The following HERC1 variants were observed in gnomAD, a reference collection of about 807,000 sequenced individuals.
HERC1 encodes the protein HECT and RLD domain containing E3 ubiquitin protein ligase family member 1.
A neutral mutation model predicts 554.3 loss-of-function variants in HERC1; 160 were observed. That is an observed-to-expected ratio of 0.29 (90% CI 0.25 to 0.33). The LOEUF (loss-of-function observed/expected upper bound fraction) is 0.33. HERC1 is among the 10% of genes least tolerant of loss of function. The pLI is 1.00. For synonymous variants in HERC1, 2,175 were observed against 2,131.7 expected, an observed-to-expected ratio of 1.02 and a Z score of -0.56; for missense variants, 4,919 against 5,918.5, an observed-to-expected ratio of 0.83 and a Z score of 5.54.
At chr15:63,789,215 C>A (rs1596259734) in intron 1 of HERC1, among the ~76,000 whole-genome samples, 2 of 142,856 alleles carry the variant, frequency 1.4e-5, no homozygotes, top group Admixed American at 1.4e-4. Flanking sequence ...CTCAGCCTCC[C>A]AAGTAGCTGG....
chr15:63,767,059 T>G (rs1310045354), intron 2 of HERC1, among the ~76,000 whole-genome samples: 2 of 151,546 alleles, frequency 1.3e-5, no homozygotes, highest in Non-Finnish European at 2.9e-5. Context: ...TGGAGTGCAG[T>G]AGCGCAGTCT....
intron 12 of HERC1, among the ~76,000 whole-genome samples, chr15:63,740,967 A>G (rs1478968262): frequency 6.6e-6 from 1 of 151,664 alleles, no homozygotes; most frequent in Non-Finnish European, 1.5e-5. Flanking sequence ...TGTGCTTTTG[A>G]TGTCATAGCT....
chr15:63,663,132 G>A lies in HERC1; in HGVS notation c.8753C>T (p.Pro2918Leu). 6.2e-7 allele frequency: 1 copy of A among 1,613,934 alleles called. No individual in the cohort carries two copies. The highest frequency in any genetic ancestry group is 8.5e-7 in the Non-Finnish European group (1 of 1,179,868). ...TAAATTAAAGTCATACAACGCCCCT[G>A]GGTCTTGCTGCAAAGATATTCCTTC... ...RREGISLQQD[P>L]GALYDFNLDE... Residue 2918 changes from proline to leucine, a missense_variant, in exon 44 of 78, where the codon CCA becomes CTA. Around this residue, in one of 11 missense-constraint regions of HERC1, gnomAD observed 1,963 missense variants for 2,228.6 expected, o/e 0.88. Coordinates refer to ENST00000443617, the MANE Select transcript of HERC1 (RefSeq NM_003922.4).
intron 12 of HERC1, among the ~76,000 whole-genome samples, chr15:63,737,636 T>A (rs2074606538): frequency 6.7e-6 from 1 of 148,838 alleles, no homozygotes; most frequent in Non-Finnish European, 1.5e-5. Flanking sequence ...CGCCTCGGCC[T>A]CCAAAAGTGC....
At chr15:63,658,439 T>A in intron 48 of HERC1, 105 bp downstream of exon 48, 2 of 936,760 alleles carry the variant, frequency 2.1e-6, no homozygotes, top group Non-Finnish European at 3.1e-6. Flanking sequence ...ACAGTACATA[T>A]TCAAGCTTCT....
intron 61 of HERC1, among the ~76,000 whole-genome samples, chr15:63,639,376 A>AG (rs1383555345): frequency 2.0e-5 from 3 of 152,224 alleles, no homozygotes; most frequent in African/African-American, 7.2e-5. Context: ...TTTGTAGCCT[A>AG]GGAGTAATCA....
At chr15:63,671,996 T>A (rs1261881026) in intron 39 of HERC1, among the ~76,000 whole-genome samples, 1 of 152,156 alleles carries the variant, frequency 6.6e-6, no homozygotes, top group African/African-American at 2.4e-5. Flanking sequence ...TACAAACCTA[T>A]TAAAATAGAG....
intron 74 of HERC1, among the ~76,000 whole-genome samples, chr15:63,622,586 G>A (rs898808756): frequency 2.0e-5 from 3 of 152,138 alleles, no homozygotes; most frequent in African/African-American, 7.2e-5. Flanking sequence ...ACCCGCCTCA[G>A]CCTCCCAAAG....
chr15:63,714,512 C>T (rs545535721), intron 22 of HERC1, among the ~76,000 whole-genome samples: 3 of 147,072 alleles, frequency 2.0e-5, no homozygotes, highest in South Asian at 2.2e-4. Context: ...AAATTTGGAG[C>T]GAAGACAGTA....
intron 77 of HERC1, among the ~76,000 whole-genome samples, chr15:63,610,055 AC>A (rs1307540905): frequency 6.6e-6 from 1 of 152,108 alleles, no homozygotes; most frequent in African/African-American, 2.4e-5. Flanking sequence ...CTCCTTGCAA[AC>A]ATAACTATTT....
At chr15:63,621,394 T>C (rs2068071010) in intron 74 of HERC1, among the ~76,000 whole-genome samples, 1 of 152,242 alleles carries the variant, frequency 6.6e-6, no homozygotes, top group Non-Finnish European at 1.5e-5. Context: ...CCTTTGTGGG[T>C]AACCCGACCT....
intron 68 of HERC1, among the ~76,000 whole-genome samples, chr15:63,631,102 C>CT (rs1239061665): frequency 6.6e-6 from 1 of 152,196 alleles, no homozygotes; most frequent in Non-Finnish European, 1.5e-5. Context: ...CCTCAGCCTC[C>CT]TGAGTAGCTT....
In HERC1 at chr15:63,712,864, C is replaced by T. The variant is rs748038098; in HGVS notation, c.4495G>A (p.Val1499Ile). ...SESLTAESRLVHTSPNYRLIK... is the reference protein window; with the variant it reads ...SESLTAESRLIHTSPNYRLIK... ...AGTCTATAATTTGGGCTTGTGTGGA[C>T]TAGCCGGCTCTCTGCAGTAAGACTT... The change falls in exon 24 of 78, where the codon GTC becomes ATC. Residue 1499 changes from valine (V) to isoleucine (I), a missense_variant. Transcript: ENST00000443617. 1.2e-6 allele frequency: 2 copies of T among 1,613,596 alleles called. No individual in the cohort carries two copies. The highest frequency in any genetic ancestry group is 1.7e-6 in the Non-Finnish European group (2 of 1,179,724).
intron 59 of HERC1, 130 bp downstream of exon 59, chr15:63,642,827 C>T (rs2069137641): frequency 4.8e-6 from 3 of 626,484 alleles, no homozygotes; most frequent in Non-Finnish European, 5.8e-6. Flanking sequence ...TAAATAGTTG[C>T]ACTGTTTTGG....
chr15:63,666,237 T>G, intron 41 of HERC1, 87 bp from the exon 42 acceptor site: 1 of 1,376,778 alleles, frequency 7.3e-7, no homozygotes. Context: ...GATGCTCTTG[T>G]AACAAAATAT....
chr15:63,678,003 C>T lies in HERC1; in HGVS notation c.6912G>A (p.Trp2304Ter), dbSNP rs1296193187. The change falls in exon 37 of 78, where the codon TGG becomes TGA. Residue 2304 changes from tryptophan (W) to a stop codon, truncating the protein, a stop_gained. Coordinates refer to ENST00000443617, the MANE Select transcript of HERC1 (RefSeq NM_003922.4). LOFTEE classifies it high-confidence loss of function. ...LQLRTLCIEV[W>*]PVLAVIGGVD... ...CTCCTCCTATCACAGCCAGCACGGG[C>T]CACACCTCTATGCAAAGAGTCCTCA... The T allele has an allele frequency of 6.2e-7, 1 of 1,613,968 alleles. No homozygotes were observed.
chr15:63,816,652 C>A (rs1479860674), intron 1 of HERC1, among the ~76,000 whole-genome samples: 1 of 152,090 alleles, frequency 6.6e-6, no homozygotes, highest in East Asian at 1.9e-4. Context: ...ATTCAACATT[C>A]CCAAATTATC....
At chr15:63,811,637 G>A (rs745642918) in intron 1 of HERC1, among the ~76,000 whole-genome samples, 33 of 151,634 alleles carry the variant, frequency 2.2e-4, no homozygotes, top group African/African-American at 3.4e-4. Context: ...GTGAAACCCC[G>A]TCTCTCCTAA....
chr15:63,772,915 A>G (rs2075995093), intron 2 of HERC1, among the ~76,000 whole-genome samples: 1 of 152,200 alleles, frequency 6.6e-6, no homozygotes, highest in Non-Finnish European at 1.5e-5. Context: ...ATGACCCAAT[A>G]TTTACCATTT....
Sources: gnomAD v4.1 joint callset for allele counts (sites outside exome capture counted in the v4.1 genomes callset) on GRCh38, gnomAD v4.1.1 for gene constraint, gnomAD v4.1.1 regional missense constraint, MANE v1.5 for transcripts, NCBI Gene and HGNC (gene_info 2026-07-23, HGNC 2026-07-21) for gene names.